TNIK: variants seen among roughly 807,000 people sequenced by gnomAD.
TNIK encodes TRAF2 and NCK interacting kinase, also known as TRAF2 and NCK-interacting protein kinase.
A neutral mutation model predicts 191.3 loss-of-function variants in TNIK; 49 were observed. That is an observed-to-expected ratio of 0.26 (90% CI 0.20 to 0.32). TNIK has a LOEUF of 0.32. Ranked by LOEUF, TNIK falls within the 10% of genes least tolerant of loss-of-function variation. The pLI, the probability that TNIK is intolerant of heterozygous loss-of-function variation, is 1.00. For synonymous variants in TNIK, 594 were observed against 600.9 expected (o/e 0.99, Z 0.17); for missense variants, 1,155 against 1,702.3 (o/e 0.68, Z 5.66).
intron 12 of TNIK, among the ~76,000 whole-genome samples, chr3:171,147,259 C>G (rs1731759406): frequency 6.6e-6 from 1 of 152,166 alleles, no homozygotes; most frequent in African/African-American, 2.4e-5. Context: ...ACCATCCCCT[C>G]CACCCAGGGG....
chr3:171,274,655 A>C (rs1749506581), intron 2 of TNIK, among the ~76,000 whole-genome samples: 1 of 152,248 alleles, frequency 6.6e-6, no homozygotes, highest in South Asian at 2.1e-4. Context: ...GCAGAATAAA[A>C]TATTGTCTAA....
chr3:171,311,324 T>C (rs1753991254), intron 2 of TNIK, among the ~76,000 whole-genome samples: 1 of 152,210 alleles, frequency 6.6e-6, no homozygotes, highest in Admixed American at 6.5e-5. Context: ...ACTCACTTGC[T>C]GATGACAGCA....
intron 2 of TNIK, among the ~76,000 whole-genome samples, chr3:171,351,506 G>A (rs1713205594): frequency 3.3e-5 from 5 of 152,026 alleles, no homozygotes; most frequent in Admixed American, 3.3e-4. Flanking sequence ...GTTTTTGAGA[G>A]GAAAAGAATT....
intron 5 of TNIK, among the ~76,000 whole-genome samples, chr3:171,192,136 TA>T (rs1303584494): frequency 4.6e-5 from 7 of 152,236 alleles, no homozygotes; most frequent in Non-Finnish European, 1.5e-5. Flanking sequence ...TCAGAAAACA[TA>T]AACCATGTTA....
intron 1 of TNIK, among the ~76,000 whole-genome samples, chr3:171,441,009 C>T (rs527927994): frequency 8.5e-5 from 13 of 152,202 alleles, no homozygotes; most frequent in African/African-American, 1.4e-4. Flanking sequence ...ATATGACAAG[C>T]GCTTCAGAAT....
At chr3:171,246,837 G>A (rs778660784) in intron 2 of TNIK, among the ~76,000 whole-genome samples, 51 of 152,174 alleles carry the variant, frequency 3.4e-4, no homozygotes, top group Admixed American at 5.9e-4. Flanking sequence ...ATTATGATGC[G>A]CAGATGGCCA....
At chr3:171,361,556 A>G (rs1559974805) in intron 2 of TNIK, among the ~76,000 whole-genome samples, 1 of 152,228 alleles carries the variant, frequency 6.6e-6, no homozygotes, top group Non-Finnish European at 1.5e-5. Context: ...AAAATTCATC[A>G]AGCCAACATA....
intron 2 of TNIK, among the ~76,000 whole-genome samples, chr3:171,277,933 T>C (rs1168551199): frequency 6.6e-6 from 1 of 152,094 alleles, no homozygotes; most frequent in African/African-American, 2.4e-5. Context: ...GGAGGTTGAG[T>C]TGGCAGGATC....
chr3:171,212,234 T>A (rs1280416703), intron 3 of TNIK, among the ~76,000 whole-genome samples: 1 of 152,096 alleles, frequency 6.6e-6, no homozygotes, highest in African/African-American at 2.4e-5. Flanking sequence ...TACTGGGACT[T>A]CCTGCAGTCT....
At chr3:171,138,427 T>C (rs766239685) in intron 14 of TNIK, 48 bp from the exon 15 acceptor site, 4 of 1,458,554 alleles carry the variant, frequency 2.7e-6, no homozygotes, top group South Asian at 1.5e-5. Flanking sequence ...AATTATCACA[T>C]AGAAATCATC....
intron 2 of TNIK, among the ~76,000 whole-genome samples, chr3:171,294,539 G>A (rs185839116): frequency 1.6e-4 from 24 of 152,024 alleles, no homozygotes; most frequent in Admixed American, 9.8e-4. Flanking sequence ...TGGCCTACAC[G>A]GTGAAACCCC....
rs936231785 is a variant in TNIK, at chr3:171,060,838, G to A, written c.*3043C>T. 6.6e-6 allele frequency among the ~76,000 whole-genome samples: 1 copy of A among 152,112 alleles called. No homozygotes were observed. Among genetic ancestry groups the A allele is most frequent in the African/African-American group, 2.4e-5 (1 of 41,424 alleles). On this transcript the variant is annotated 3_prime_UTR_variant, in exon 33 of 33. Transcript: ENST00000436636. Reference sequence around the variant, plus strand: ...AGACCCCAGACCCAGACTATGGTGTGGGCAGGCTCAGTAGATTTTACTGGA... The same window carrying A: ...AGACCCCAGACCCAGACTATGGTGTAGGCAGGCTCAGTAGATTTTACTGGA...
At chr3:171,117,156 A>G (rs1726852875) in intron 18 of TNIK, among the ~76,000 whole-genome samples, 1 of 152,224 alleles carries the variant, frequency 6.6e-6, no homozygotes, top group African/African-American at 2.4e-5. Context: ...ATAAGGGTAA[A>G]TAACAATAGG....
At chr3:171,407,712 C>T (rs1721883038) in intron 1 of TNIK, among the ~76,000 whole-genome samples, 1 of 152,212 alleles carries the variant, frequency 6.6e-6, no homozygotes, top group African/African-American at 2.4e-5. Context: ...TTTTGAAGTT[C>T]TTGCTACATG....
intron 3 of TNIK, among the ~76,000 whole-genome samples, chr3:171,227,566 G>A (rs1307496289): frequency 6.6e-6 from 1 of 152,118 alleles, no homozygotes; most frequent in East Asian, 1.9e-4. Context: ...TTGGCAAACA[G>A]TATTCACTCT....
At chr3:171,131,285 C>T (rs1314951706) in intron 15 of TNIK, among the ~76,000 whole-genome samples, 1 of 130,000 alleles carries the variant, frequency 7.7e-6, no homozygotes, top group African/African-American at 2.9e-5. Context: ...TTGCAGTGAG[C>T]CGAGATCGCG....
rs140863136 is a variant in TNIK at position 171,347,232 on chromosome 3, A to G, written c.123+22388T>C. 2.6e-4 allele frequency: 404 copies of G among 1,526,526 alleles called. No homozygotes were observed. The East Asian group carries it at 9.2e-3, about 35-fold the overall frequency. The allele number at this position is 1,526,526 out of a possible 1,614,324, so 94.6% of individuals were successfully genotyped here. On this transcript the variant is annotated intron_variant, in intron 2 of 32. Coordinates refer to ENST00000436636, the MANE Select transcript of TNIK (RefSeq NM_015028.4). ...CTGGTTCATTTGCTGAAAAAAAAAA[A>G]AAAAGAAAAGAAAAATGACAAAACC...
chr3:171,419,417 G>T (rs1014253382), intron 1 of TNIK, among the ~76,000 whole-genome samples: 5 of 152,214 alleles, frequency 3.3e-5, no homozygotes, highest in African/African-American at 1.2e-4. Context: ...TTCTAAAATT[G>T]ACTGTACTGA....
intron 2 of TNIK, among the ~76,000 whole-genome samples, chr3:171,279,072 G>A (rs1750124621): frequency 6.6e-6 from 1 of 151,746 alleles, no homozygotes; most frequent in Non-Finnish European, 1.5e-5. Flanking sequence ...CTAATTCTTG[G>A]TATTTGGATG....
Sources: gnomAD v4.1 joint callset for allele counts (sites outside exome capture counted in the v4.1 genomes callset) on GRCh38, gnomAD v4.1.1 for gene constraint, MANE v1.5 for transcripts, NCBI Gene and HGNC (gene_info 2026-07-23, HGNC 2026-07-21) for gene names.